The following MANSC1 variants were observed in gnomAD, a reference collection of about 807,000 sequenced individuals.
The protein encoded by MANSC1 is MANSC domain-containing protein 1.
A neutral mutation model predicts 14.1 loss-of-function variants in MANSC1; 13 were observed. The observed-to-expected ratio is 0.92, with a 90% CI of 0.60 to 1.46. The LOEUF is 1.46. Ranked by LOEUF, MANSC1 falls within the 40% of genes most tolerant of loss-of-function variation. The pLI is 0.00. For synonymous variants in MANSC1, 227 were observed against 200.7 expected, an observed-to-expected ratio of 1.13 and a Z score of -1.11; for missense variants, 486 against 511.4, an observed-to-expected ratio of 0.95 and a Z score of 0.48.
intron 2 of MANSC1, among the ~76,000 whole-genome samples, chr12:12,341,304 A>G (rs912877908): frequency 6.6e-6 from 1 of 152,238 alleles, no homozygotes; most frequent in Non-Finnish European, 1.5e-5. Context: ...AGAGGCTCCT[A>G]GAGTCCCAAG....
intron 1 of MANSC1, chr12:12,348,277 T>C (rs543811001): frequency 6.6e-6 from 1 of 152,266 alleles, no homozygotes; most frequent in Non-Finnish European, 1.5e-5. Flanking sequence ...AGTAGCTTTA[T>C]TCATAATTGC....
At chr12:12,346,258 G>A (rs575247503) in intron 1 of MANSC1, among the ~76,000 whole-genome samples, 110 of 150,822 alleles carry the variant, frequency 7.3e-4, no homozygotes, top group African/African-American at 2.5e-3. Flanking sequence ...GCGACAGAGC[G>A]AGACTCCGTC....
Position 12,330,927 on chromosome 12 carries a change from G to A in MANSC1, c.396C>T (p.Ser132=), listed in dbSNP as rs1862782102. 6.3e-7 allele frequency: 1 copy of A among 1,585,302 alleles called. No homozygotes were observed. The highest frequency in any genetic ancestry group is 1.2e-5 in the South Asian group (1 of 86,160). ...GAGAATCTTCCTGGGGTAACTCTTG[G>A]CTTGGCAAATTTCTGGTCAAAGATG... is the stretch of plus-strand genomic sequence containing the variant. The part of the protein sequence containing the change: ...DFPSLTRNLP[S]QELPQEDSLL... Residue 132 remains serine (S), a synonymous_variant, in exon 4 of 4, where the codon AGC becomes AGT. Transcript: ENST00000535902.
chr12:12,336,817 G>A (rs1862864452), intron 3 of MANSC1, among the ~76,000 whole-genome samples: 2 of 152,108 alleles, frequency 1.3e-5, no homozygotes, highest in Admixed American at 1.3e-4. Context: ...CTACCACATG[G>A]CCAGAACCTT....
At chr12:12,341,254 T>C (rs1862928838) in intron 2 of MANSC1, among the ~76,000 whole-genome samples, 1 of 152,240 alleles carries the variant, frequency 6.6e-6, no homozygotes, top group Non-Finnish European at 1.5e-5. Context: ...CTGTATTTAC[T>C]ATTACAGTTT....
rs1160469060 is a variant in MANSC1 at position 12,327,587 on chromosome 12, C to T, written c.*2440G>A. Reference sequence around the variant, plus strand: ...ACCATCACAGAAAGCCTGATTTCCACTCGCTAAATCCATTAATAAAGAGAG... The same window carrying T: ...ACCATCACAGAAAGCCTGATTTCCATTCGCTAAATCCATTAATAAAGAGAG... On this transcript the variant is annotated 3_prime_UTR_variant, in exon 4 of 4. Transcript: ENST00000535902. 2 of 152,212 alleles carry T rather than the reference C, an allele frequency of 1.3e-5. No homozygotes were observed. The highest frequency in any genetic ancestry group is 4.8e-5 in the African/African-American group (2 of 41,444). 9.4% of individuals were successfully genotyped at this position (152,212 alleles called of 1,614,324 possible).
chr12:12,338,758 C>CT (rs568230959), intron 2 of MANSC1, 198 bp from the exon 3 acceptor site: 22,143 of 470,160 alleles, frequency 0.047, 8 homozygotes, highest in South Asian at 0.061. Flanking sequence ...TTGGGTTTAG[C>CT]TTTTTTTTTT....
chr12:12,338,527 G>C lies in MANSC1; in HGVS notation c.257C>G (p.Thr86Ser). The change falls in exon 3 of 4, where the codon ACT becomes AGT. Residue 86 changes from threonine to serine, a missense_variant. By Grantham distance (58) the Thr-to-Ser change is moderately conservative. Coordinates refer to ENST00000535902, the MANE Select transcript of MANSC1 (RefSeq NM_018050.4). ...GTTGGGTTGTCTAGCTGTTTTTCGA[G>C]TGTCGAAGATCATCAAGTTACATGC... Reference protein sequence around the residue: ...DKACNLMIFDTRKTARQPNCY... With the variant: ...DKACNLMIFDSRKTARQPNCY... 6.2e-7 allele frequency: 1 copy of C among 1,613,628 alleles called. No homozygotes were observed. Among genetic ancestry groups the C allele is most frequent in the South Asian group, 1.1e-5 (1 of 90,978 alleles).
intron 3 of MANSC1, among the ~76,000 whole-genome samples, chr12:12,337,422 G>C (rs147477002): frequency 6.6e-6 from 1 of 151,918 alleles, no homozygotes; most frequent in African/African-American, 2.4e-5. Flanking sequence ...TTAGCCGGGC[G>C]TGGTGGCGGG....
At chr12:12,345,654 C>G (rs1863001002) in intron 1 of MANSC1, among the ~76,000 whole-genome samples, 1 of 152,208 alleles carries the variant, frequency 6.6e-6, no homozygotes, top group Admixed American at 6.5e-5. Flanking sequence ...CTCCACATTT[C>G]CTTTTAACAT....
chr12:12,344,691 G>C (rs1204815331), intron 1 of MANSC1, among the ~76,000 whole-genome samples: 1 of 149,242 alleles, frequency 6.7e-6, no homozygotes. Flanking sequence ...GGATGATCTC[G>C]ATCTCCTGAC....
At chr12:12,336,103 A>C (rs1040277592) in intron 3 of MANSC1, among the ~76,000 whole-genome samples, 1 of 152,064 alleles carries the variant, frequency 6.6e-6, no homozygotes, top group African/African-American at 2.4e-5. Flanking sequence ...GCGCCACTGC[A>C]CTCCACCCTG....
rs74859423 is a variant in MANSC1, at chr12:12,338,956, A to T, written c.224-396T>A. 5.8e-3 allele frequency: 1,153 copies of T among 198,048 alleles called. 14 individuals are homozygous for T. Among genetic ancestry groups the T allele is most frequent in the African/African-American group, 0.026 (1,068 of 41,796 alleles). The allele number at this position is 198,048 out of a possible 1,614,324, so 12.3% of individuals were successfully genotyped here. On this transcript the variant is annotated intron_variant, in intron 2 of 3. Coordinates refer to ENST00000535902, the MANE Select transcript of MANSC1 (RefSeq NM_018050.4). ...CATGTCACTTACCTCCAGCAGCTCA[A>T]GACACTGTGGCTCCAGAGGCAGCCC...
rs560313339 is a variant in MANSC1 at position 12,346,600 on chromosome 12, G to T, written c.-100-3186C>A. Among the ~76,000 whole-genome samples the T allele has an allele frequency of 2.0e-5, 3 of 152,232 alleles. No homozygotes were observed. The East Asian group carries it at 5.8e-4, about 29-fold the overall frequency. ...CTGATCTTTGACAAAGGAGCAAAGG[G>T]GATTCAATGGAGAAAGGACAGTCTT... On this transcript the variant is annotated intron_variant, in intron 1 of 3. Transcript: ENST00000535902.
At chr12:12,337,547 T>C (rs1480922423) in intron 3 of MANSC1, among the ~76,000 whole-genome samples, 1 of 152,076 alleles carries the variant, frequency 6.6e-6, no homozygotes, top group African/African-American at 2.4e-5. Flanking sequence ...GGCAACAGAG[T>C]GAGACTCCAT....
At chr12:12,347,985 C>T (rs1049121310) in intron 1 of MANSC1, among the ~76,000 whole-genome samples, 2 of 152,070 alleles carry the variant, frequency 1.3e-5, no homozygotes, top group South Asian at 2.1e-4. Context: ...ATCGCTTGAA[C>T]CCGGGACGTG....
intron 1 of MANSC1, among the ~76,000 whole-genome samples, chr12:12,348,730 A>AC (rs1863039920): frequency 6.6e-6 from 1 of 151,712 alleles, no homozygotes; most frequent in African/African-American, 2.4e-5. Flanking sequence ...AAAAAAAAAA[A>AC]AACCCAGAAA....
In MANSC1 at chr12:12,343,137, G is replaced by T; in HGVS notation, c.178C>A (p.Gln60Lys). Reference protein sequence around the residue: ...RGNEPVYTSTQEDCINSCCST... With the variant: ...RGNEPVYTSTKEDCINSCCST... The stretch of plus-strand genomic sequence containing the variant: ...CAGCAAGAATTAATGCAGTCTTCTT[G>T]AGTTGAAGTATATACGGGCTCATTG... The change falls in exon 2 of 4, where the codon CAA (glutamine) becomes AAA (lysine). Residue 60 changes from glutamine (Q) to lysine (K), a missense_variant. Transcript: ENST00000535902. 2 of 1,613,962 alleles carry T rather than the reference G, an allele frequency of 1.2e-6. No individual in the cohort carries two copies. The highest frequency in any genetic ancestry group is 2.2e-5 in the South Asian group (2 of 91,052).
At position 12,344,942 on chromosome 12, in the gene MANSC1, T is replaced by C. The variant is rs1364307201; in HGVS notation, c.-100-1528A>G. 4.0e-4 allele frequency among the ~76,000 whole-genome samples: 38 copies of C among 93,862 alleles called. 1 individual carries two copies. The East Asian group carries it at 0.01, about 25-fold the overall frequency. The allele number at this position is 93,862 out of a possible 152,430, so 61.6% of individuals were successfully genotyped here. ...ATATATATATATATATATATATATATATATATATATATATATATATATATA... is the reference window on the plus strand; with the variant it reads ...ATATATATATATATATATATATATACATATATATATATATATATATATATA... On this transcript the variant is annotated intron_variant, in intron 1 of 3. Transcript: ENST00000535902.
Sources: gnomAD v4.1 joint callset for allele counts (sites outside exome capture counted in the v4.1 genomes callset) on GRCh38, gnomAD v4.1.1 for gene constraint, MANE v1.5 for transcripts, NCBI Gene and HGNC (gene_info 2026-07-23, HGNC 2026-07-21) for gene names.